Variants in FNDC3A observed in about 807,000 individuals in gnomAD.
FNDC3A encodes fibronectin type III domain containing 3A, also known as fibronectin type-III domain-containing protein 3A.
In FNDC3A, 32 loss-of-function variants were observed where a neutral mutation model predicts 148.9. The ratio of observed to expected loss-of-function variants is 0.21; its 90% CI spans 0.16 to 0.29. The LOEUF (loss-of-function observed/expected upper bound fraction) is 0.29. FNDC3A is among the 10% of genes least tolerant of loss of function. The pLI is 1.00. For missense variants in FNDC3A, 1,191 were observed against 1,452.8 expected (o/e 0.82, Z 2.93); for synonymous variants, 472 against 473.6 (o/e 1.00, Z 0.04).
chr13:49,022,986 G>C (rs1359381809), intron 2 of FNDC3A, among the ~76,000 whole-genome samples: 1 of 152,008 alleles, frequency 6.6e-6, no homozygotes, highest in Non-Finnish European at 1.5e-5. Context: ...AAAAATTTAT[G>C]ATAAATATTA....
intron 3 of FNDC3A, among the ~76,000 whole-genome samples, chr13:49,099,373 G>A (rs1466263718): frequency 1.3e-5 from 2 of 152,068 alleles, no homozygotes; most frequent in African/African-American, 2.4e-5. Flanking sequence ...AAGTGAAAGT[G>A]TGCTTAGATT....
At chr13:49,079,182 A>G (rs1039214655) in intron 3 of FNDC3A, among the ~76,000 whole-genome samples, 3 of 152,240 alleles carry the variant, frequency 2.0e-5, no homozygotes, top group African/African-American at 7.2e-5. Context: ...TTTCTACTGT[A>G]TAGCATACAT....
intron 3 of FNDC3A, among the ~76,000 whole-genome samples, chr13:49,084,130 G>C (rs1878657974): frequency 6.6e-6 from 1 of 152,186 alleles, no homozygotes; most frequent in African/African-American, 2.4e-5. Flanking sequence ...CTTGAGGAGA[G>C]AGAAACTTCC....
At chr13:49,038,105 T>C (rs1874636889) in intron 2 of FNDC3A, among the ~76,000 whole-genome samples, 3 of 152,118 alleles carry the variant, frequency 2.0e-5, no homozygotes, top group African/African-American at 7.2e-5. Context: ...TCTCTGATTG[T>C]CCCCACTGAA....
chr13:49,061,310 CTCTCTTCTCT>C (rs1488911284), intron 2 of FNDC3A, among the ~76,000 whole-genome samples: 2 of 128,354 alleles, frequency 1.6e-5, no homozygotes, highest in African/African-American at 2.9e-5. Context: ...TCCATTTTCC[CTCTCTTCTCT>C]TCCCTTCCCT....
chr13:49,186,112 T>C lies in FNDC3A; in HGVS notation c.1756+10T>C, dbSNP rs773983173. 1 of 1,587,102 alleles carries C rather than the reference T, an allele frequency of 6.3e-7. No homozygotes were observed. Among genetic ancestry groups the C allele is most frequent in the South Asian group, 1.1e-5 (1 of 89,278 alleles). On this transcript the variant is annotated intron_variant, in intron 15 of 25. Coordinates refer to ENST00000492622, the MANE Select transcript of FNDC3A (RefSeq NM_001079673.2). Reference sequence around the variant, plus strand: ...TTTAAAATAACCTGGGGTAAGATATTATGCATGTTTATACATTATTACTTT... The same window carrying C: ...TTTAAAATAACCTGGGGTAAGATATCATGCATGTTTATACATTATTACTTT...
chr13:49,056,836 T>G (rs538597531), intron 2 of FNDC3A, among the ~76,000 whole-genome samples: 2 of 152,220 alleles, frequency 1.3e-5, no homozygotes, highest in Non-Finnish European at 1.5e-5. Flanking sequence ...CTTCAGATAT[T>G]TAGACATTTT....
At chr13:49,119,197 C>T (rs1022293333) in intron 4 of FNDC3A, among the ~76,000 whole-genome samples, 4 of 152,128 alleles carry the variant, frequency 2.6e-5, no homozygotes, top group African/African-American at 7.2e-5. Context: ...CCTCTGTTGG[C>T]GATACCCAGG....
chr13:49,178,051 G>A (rs753727823), intron 13 of FNDC3A, among the ~76,000 whole-genome samples: 4 of 152,064 alleles, frequency 2.6e-5, no homozygotes, highest in Non-Finnish European at 5.9e-5. Context: ...AAATGATAAC[G>A]TTCGGAAAAT....
At chr13:49,050,392 T>A (rs2137710850) in intron 2 of FNDC3A, among the ~76,000 whole-genome samples, 1 of 152,356 alleles carries the variant, frequency 6.6e-6, no homozygotes. Context: ...TTGATTTCAT[T>A]TTTGACCCAG....
chr13:49,204,764 GT>G (rs34719249), intron 25 of FNDC3A, among the ~76,000 whole-genome samples: 47,743 of 151,960 alleles, frequency 0.31, 7,605 homozygotes, highest in South Asian at 0.48. Context: ...AGGTTAATCT[GT>G]TTTCTTCAGT....
chr13:49,113,169 G>A (rs1284168073), intron 3 of FNDC3A, among the ~76,000 whole-genome samples: 1 of 145,646 alleles, frequency 6.9e-6, no homozygotes, highest in African/African-American at 2.6e-5. Context: ...ACTGCCTCTT[G>A]TCCCCTTTCT....
rs141345173 is a variant in FNDC3A, at chr13:48,978,594, G to A, written c.-40+2417G>A. ...GTCTTTGAGAATGGTGTAGGGATATGCACATGATTTCCAATTTTATTAGCC... is the reference window on the plus strand; with the variant it reads ...GTCTTTGAGAATGGTGTAGGGATATACACATGATTTCCAATTTTATTAGCC... On this transcript the variant is annotated intron_variant, in intron 1 of 25. Coordinates refer to ENST00000492622, the MANE Select transcript of FNDC3A (RefSeq NM_001079673.2). Among the ~76,000 whole-genome samples, 559 of 151,922 alleles carry A rather than the reference G, an allele frequency of 3.7e-3. 3 individuals are homozygous for A. The highest frequency in any genetic ancestry group is 6.6e-3 in the Non-Finnish European group (450 of 67,944).
chr13:49,156,719 G>T (rs1883716606), intron 8 of FNDC3A, among the ~76,000 whole-genome samples: 1 of 148,774 alleles, frequency 6.7e-6, no homozygotes, highest in South Asian at 2.2e-4. Context: ...AGGCCTGGTG[G>T]TGACAAAATC....
intron 3 of FNDC3A, among the ~76,000 whole-genome samples, chr13:49,109,189 C>G (rs1381759093): frequency 6.6e-6 from 1 of 152,156 alleles, no homozygotes; most frequent in Non-Finnish European, 1.5e-5. Context: ...GTACTCTGCA[C>G]TATGTGGTTA....
At chr13:49,180,429 CTT>C (rs1192846334) in intron 14 of FNDC3A, among the ~76,000 whole-genome samples, 2 of 152,044 alleles carry the variant, frequency 1.3e-5, no homozygotes, top group Non-Finnish European at 2.9e-5. Context: ...ATTTTAAAAA[CTT>C]ATAATAATGC....
intron 3 of FNDC3A, among the ~76,000 whole-genome samples, chr13:49,077,579 T>C (rs1237154794): frequency 1.3e-5 from 2 of 152,190 alleles, no homozygotes; most frequent in Non-Finnish European, 2.9e-5. Context: ...TCTCTCTAAG[T>C]TGAACACATG....
chr13:49,151,515 T>C (rs1008037296), intron 8 of FNDC3A, among the ~76,000 whole-genome samples: 2 of 152,218 alleles, frequency 1.3e-5, no homozygotes, highest in African/African-American at 4.8e-5. Flanking sequence ...TTGGGTCACA[T>C]TTTTTAATTC....
chr13:49,170,224 G>C (rs755792525), intron 10 of FNDC3A, among the ~76,000 whole-genome samples: 18 of 152,136 alleles, frequency 1.2e-4, no homozygotes, highest in Non-Finnish European at 2.5e-4. Context: ...TTGGAGGATA[G>C]TATTATATAC....
Sources: allele counts gnomAD v4.1 joint callset (sites outside exome capture counted in the v4.1 genomes callset), GRCh38; gene constraint gnomAD v4.1.1; transcripts MANE v1.5; gene names NCBI Gene and HGNC (gene_info 2026-07-23, HGNC 2026-07-21).